INPP5F: variants seen among roughly 807,000 people sequenced by gnomAD.
INPP5F encodes inositol polyphosphate-5-phosphatase F.
INPP5F carries 97 observed loss-of-function variants against 137.2 expected under a neutral mutation model. The ratio of observed to expected loss-of-function variants is 0.71; its 90% CI spans 0.60 to 0.84. The LOEUF (loss-of-function observed/expected upper bound fraction) is 0.84. INPP5F is among the 40% of genes least tolerant of loss of function. The pLI is 0.00. For missense variants in INPP5F, 1,271 were observed against 1,371.9 expected (o/e 0.93, Z 1.16); for synonymous variants, 504 against 476.9 (o/e 1.06, Z -0.74).
intron 1 of INPP5F, 66 bp downstream of exon 1, chr10:119,726,425 G>A: frequency 1.0e-6 from 1 of 985,908 alleles, no homozygotes; most frequent in Non-Finnish European, 1.3e-6. Context: ...GGCGCGGCCG[G>A]ACCCCTCAGC....
Position 119,827,620 on chromosome 10 carries a change from A to C in INPP5F, c.3239A>C (p.Gln1080Pro). 1.2e-6 allele frequency: 2 copies of C among 1,614,196 alleles called. No individual in the cohort carries two copies. The highest frequency in any genetic ancestry group is 1.1e-5 in the South Asian group (1 of 91,086). Residue 1080 changes from glutamine to proline, a missense_variant, in exon 20 of 20, where the codon CAG becomes CCG. By Grantham distance (76) the Gln-to-Pro change is moderately conservative (BLOSUM62 -1). Coordinates refer to ENST00000650623, the MANE Select transcript of INPP5F (RefSeq NM_014937.4). ...GCCAAGATTCGAAGTTCCATGGTCCAGGTTGCTAGTATTACCCAAGCTGGA... is the reference window on the plus strand; with the variant it reads ...GCCAAGATTCGAAGTTCCATGGTCCCGGTTGCTAGTATTACCCAAGCTGGA... ...PFAKIRSSMV[Q>P]VASITQAGLT... is the part of the protein sequence containing the mutation.
At chr10:119,824,146 T>C (rs1396419792) in intron 19 of INPP5F, among the ~76,000 whole-genome samples, 1 of 152,190 alleles carries the variant, frequency 6.6e-6, no homozygotes, top group Non-Finnish European at 1.5e-5. Flanking sequence ...CATGTACTCT[T>C]CCTTCGGCTT....
At chr10:119,807,199 GGAGGCGGAGGTTGTAGT>G (rs1395679508) in intron 12 of INPP5F, among the ~76,000 whole-genome samples, 1 of 152,130 alleles carries the variant, frequency 6.6e-6, no homozygotes, top group Non-Finnish European at 1.5e-5. Flanking sequence ...CTTGAACCCA[GGAGGCGGAGGTTGTAGT>G]GAGCCCAGAT....
chr10:119,760,171 T>A (rs987038075), intron 2 of INPP5F, among the ~76,000 whole-genome samples: 16 of 152,250 alleles, frequency 1.1e-4, no homozygotes, highest in African/African-American at 3.9e-4. Flanking sequence ...CTCATGCTAT[T>A]CCACTCTCAT....
Position 119,795,443 on chromosome 10 carries a change from C to T in INPP5F, c.670-1272C>T, listed in dbSNP as rs1196456618. Among the ~76,000 whole-genome samples, 179 of 145,428 alleles carry T rather than the reference C, an allele frequency of 1.2e-3. 1 individual carries two copies. Among genetic ancestry groups the T allele is most frequent in the Non-Finnish European group, 2.3e-3 (154 of 66,558 alleles). On this transcript the variant is annotated intron_variant, in intron 6 of 19. Transcript: ENST00000650623. ...GACGCTCCTCACATCCCAGATGGGG[C>T]GGCAGGGCAGAGGTGCTCCCCACCT...
chr10:119,794,045 A>G (rs960897236), intron 6 of INPP5F, among the ~76,000 whole-genome samples: 7 of 151,808 alleles, frequency 4.6e-5, no homozygotes, highest in African/African-American at 1.7e-4. Context: ...TTTATTGATC[A>G]TTCTTGGGTG....
intron 2 of INPP5F, among the ~76,000 whole-genome samples, chr10:119,780,724 G>C (rs1342535778): frequency 6.6e-6 from 1 of 152,150 alleles, no homozygotes; most frequent in Non-Finnish European, 1.5e-5. Context: ...ATCTGTACTG[G>C]ACATGTATAG....
intron 6 of INPP5F, among the ~76,000 whole-genome samples, chr10:119,795,132 AC>A (rs1255439191): frequency 2.7e-4 from 28 of 103,060 alleles, no homozygotes; most frequent in African/African-American, 8.2e-4. Context: ...CGGGGGGCTG[AC>A]CCCCCCACCT....
chr10:119,818,683 G>T (rs1455803324), intron 15 of INPP5F: 1 of 152,360 alleles, frequency 6.6e-6, no homozygotes, highest in Admixed American at 6.5e-5. Flanking sequence ...GTGTCCCCTG[G>T]GCGTGACTTG....
intron 2 of INPP5F, among the ~76,000 whole-genome samples, chr10:119,769,296 A>G (rs1351566977): frequency 1.3e-5 from 2 of 151,920 alleles, no homozygotes; most frequent in Non-Finnish European, 2.9e-5. Flanking sequence ...TAAAAATTTT[A>G]TTTATATTTA....
intron 1 of INPP5F, among the ~76,000 whole-genome samples, chr10:119,744,118 A>G (rs983909116): frequency 1.3e-5 from 2 of 152,126 alleles, no homozygotes; most frequent in African/African-American, 4.8e-5. Context: ...TTTCTCTTCT[A>G]TTCTGTTTTA....
Position 119,743,105 on chromosome 10 carries a change from T to A in INPP5F, c.98-7971T>A, listed in dbSNP as rs533733617. The stretch of plus-strand genomic sequence containing the variant: ...TACTTTACCTATGCCAGCTTTAATG[T>A]CTTTGTCTCAAATAGACCAGATGAG... On this transcript the variant is annotated intron_variant, in intron 1 of 19. Coordinates refer to ENST00000650623, the MANE Select transcript of INPP5F (RefSeq NM_014937.4). Among the ~76,000 whole-genome samples, 336 of 152,356 alleles carry A rather than the reference T, an allele frequency of 2.2e-3. 2 individuals carry two copies. Among genetic ancestry groups the A allele is most frequent in the Non-Finnish European group, 4.2e-3 (285 of 68,038 alleles).
At chr10:119,780,207 T>C (rs913080843) in intron 2 of INPP5F, among the ~76,000 whole-genome samples, 1 of 152,162 alleles carries the variant, frequency 6.6e-6, no homozygotes, top group Admixed American at 6.5e-5. Flanking sequence ...TGTATAGATA[T>C]ATATCACCTC....
intron 1 of INPP5F, among the ~76,000 whole-genome samples, chr10:119,743,770 A>T (rs1040954976): frequency 1.3e-5 from 2 of 152,116 alleles, no homozygotes; most frequent in Non-Finnish European, 2.9e-5. Flanking sequence ...AGCAATATTC[A>T]TATTTATCCC....
chr10:119,812,779 T>A (rs983532070), intron 15 of INPP5F, among the ~76,000 whole-genome samples: 1 of 152,208 alleles, frequency 6.6e-6, no homozygotes, highest in Non-Finnish European at 1.5e-5. Context: ...ATGTGGACTT[T>A]AAAAATAAGA....
intron 10 of INPP5F, among the ~76,000 whole-genome samples, 160 bp downstream of exon 10, chr10:119,804,457 T>G (rs1850697603): frequency 6.6e-6 from 1 of 152,200 alleles, no homozygotes; most frequent in Admixed American, 6.5e-5. Context: ...AATTTTCATG[T>G]GGGCATTATT....
At chr10:119,811,730 T>C in intron 14 of INPP5F, 27 bp from the exon 15 acceptor site, 1 of 1,545,740 alleles carries the variant, frequency 6.5e-7, no homozygotes, top group South Asian at 1.2e-5. Flanking sequence ...ACTAAAATGA[T>C]GATAGATATT....
At chr10:119,794,667 C>T (rs1397579540) in intron 6 of INPP5F, among the ~76,000 whole-genome samples, 19 of 149,916 alleles carry the variant, frequency 1.3e-4, no homozygotes, top group African/African-American at 4.7e-4. Context: ...CCACCTCCCT[C>T]CCGGACGGGG....
At chr10:119,820,688 G>T (rs967365317) in intron 15 of INPP5F, among the ~76,000 whole-genome samples, 158 bp from the exon 16 acceptor site, 1 of 152,124 alleles carries the variant, frequency 6.6e-6, no homozygotes, top group Non-Finnish European at 1.5e-5. Context: ...TGGATAGATT[G>T]TATTACATCT....
Sources: gnomAD v4.1 joint callset for allele counts (sites outside exome capture counted in the v4.1 genomes callset) on GRCh38, gnomAD v4.1.1 for gene constraint, MANE v1.5 for transcripts, NCBI Gene and HGNC (gene_info 2026-07-23, HGNC 2026-07-21) for gene names.